The following PCLO variants were observed in gnomAD, a reference collection of about 807,000 sequenced individuals.
PCLO encodes the protein piccolo presynaptic cytomatrix protein.
A neutral mutation model predicts 427.5 loss-of-function variants in PCLO; 82 were observed. The observed-to-expected ratio is 0.19, with a 90% CI of 0.16 to 0.23. The LOEUF (loss-of-function observed/expected upper bound fraction) is 0.23, where lower values mean the gene tolerates loss of function less well. Among genes scored for constraint, PCLO ranks in the 10% least tolerant of loss-of-function variants. The pLI is 1.00. For synonymous variants in PCLO, 2,357 were observed against 2,155.4 expected (o/e 1.09, Z -2.59); for missense variants, 6,239 against 6,115.9 (o/e 1.02, Z -0.67).
At chr7:83,037,113 T>C (rs1788814097) in intron 3 of PCLO, among the ~76,000 whole-genome samples, 1 of 152,144 alleles carries the variant, frequency 6.6e-6, no homozygotes, top group South Asian at 2.1e-4. Flanking sequence ...ATACTGCTTA[T>C]TATTTATTGA....
chr7:83,058,146 G>T (rs1789448948), intron 3 of PCLO, among the ~76,000 whole-genome samples: 1 of 152,152 alleles, frequency 6.6e-6, no homozygotes, highest in Non-Finnish European at 1.5e-5. Context: ...ATAGGTAGAA[G>T]TTGTAAAAAT....
At chr7:83,024,791 C>T (rs577166828) in intron 3 of PCLO, among the ~76,000 whole-genome samples, 26 of 152,234 alleles carry the variant, frequency 1.7e-4, no homozygotes, top group African/African-American at 5.1e-4. Flanking sequence ...CAAGTGGGTC[C>T]CTGACTCCTG....
At chr7:82,843,433 T>C (rs2115793439) in intron 13 of PCLO, among the ~76,000 whole-genome samples, 1 of 152,160 alleles carries the variant, frequency 6.6e-6, no homozygotes, top group East Asian at 1.9e-4. Flanking sequence ...GGTCAAAGGG[T>C]ACAAACTTCT....
chr7:83,057,046 C>A (rs7458982), intron 3 of PCLO, among the ~76,000 whole-genome samples: 117,502 of 151,302 alleles, frequency 0.78, 46,492 homozygotes, highest in African/African-American at 0.92. Flanking sequence ...TGCTATTAAG[C>A]CATACAACTA....
rs765182217 is a variant in PCLO at position 82,915,690 on chromosome 7, T to A, written c.12296A>T (p.Gln4099Leu). ...ATAACTATGCAATCTAGAGGAAGAC[T>A]GTAAAGGTGCTAGGAAATCTGTCAC... ...QEVTDFLAPL[Q>L]SSSRLHSYVK... is the part of the protein sequence containing the mutation. Residue 4099 changes from glutamine (Q) to leucine (L), a missense_variant, in exon 7 of 25, where the codon CAG (glutamine) becomes CTG (leucine). This residue lies in a region of PCLO where 680 missense variants were observed against 677.3 expected (regional missense o/e 1.00). Transcript: ENST00000333891. The A allele has an allele frequency of 1.9e-6, 3 of 1,612,946 alleles. No homozygotes were observed. The highest frequency in any genetic ancestry group is 2.5e-6 in the Non-Finnish European group (3 of 1,179,440).
intron 3 of PCLO, among the ~76,000 whole-genome samples, chr7:83,055,409 G>C (rs1301533677): frequency 6.6e-6 from 1 of 152,074 alleles, no homozygotes; most frequent in African/African-American, 2.4e-5. Context: ...ATTATTTTGG[G>C]AACTAAGGGA....
intron 3 of PCLO, among the ~76,000 whole-genome samples, chr7:83,120,823 A>C (rs1330844400): frequency 1.3e-5 from 2 of 152,214 alleles, no homozygotes. Flanking sequence ...GACCTGTCTT[A>C]TAAGAAATCC....
At chr7:83,107,852 G>A (rs1176315788) in intron 3 of PCLO, among the ~76,000 whole-genome samples, 1 of 151,314 alleles carries the variant, frequency 6.6e-6, no homozygotes, top group African/African-American at 2.4e-5. Context: ...AGCTGGGCAT[G>A]GTGGTGCACA....
intron 22 of PCLO, among the ~76,000 whole-genome samples, chr7:82,777,619 G>A (rs539696537): frequency 6.6e-6 from 1 of 152,134 alleles, no homozygotes; most frequent in East Asian, 1.9e-4. Context: ...CTGATCTTTG[G>A]CAATGCTGAC....
chr7:83,089,788 G>A (rs1010790200), intron 3 of PCLO, among the ~76,000 whole-genome samples: 11 of 152,072 alleles, frequency 7.2e-5, no homozygotes, highest in Admixed American at 1.3e-4. Flanking sequence ...GGGTTCCAGG[G>A]TACTACATCA....
chr7:83,091,565 A>C (rs1790378581), intron 3 of PCLO, among the ~76,000 whole-genome samples: 1 of 152,188 alleles, frequency 6.6e-6, no homozygotes, highest in African/African-American at 2.4e-5. Flanking sequence ...ACTGCTAATC[A>C]ACTGCCAATT....
chr7:82,962,762 G>T (rs2115631441), intron 4 of PCLO, among the ~76,000 whole-genome samples: 1 of 152,086 alleles, frequency 6.6e-6, no homozygotes, highest in Admixed American at 6.6e-5. Context: ...AGGTTAGGGA[G>T]ATGGCAGTAC....
At chr7:83,141,968 A>G (rs563264564) in intron 2 of PCLO, among the ~76,000 whole-genome samples, 2 of 152,310 alleles carry the variant, frequency 1.3e-5, no homozygotes, top group African/African-American at 2.4e-5. Flanking sequence ...TTTCAAAACT[A>G]AAGAATATTC....
At position 82,974,844 on chromosome 7, in the gene PCLO, T is replaced by A. The variant is rs977963108; in HGVS notation, c.3301-8357A>T. Among the ~76,000 whole-genome samples, 13 of 152,096 alleles carry A rather than the reference T, an allele frequency of 8.5e-5. 1 individual carries two copies. The highest frequency in any genetic ancestry group is 6.6e-5 in the Admixed American group (1 of 15,260). Reference sequence around the variant, plus strand: ...CCCAGGCTGGAGTGCAGTGGTGCAATCTGGGCTCATTGCAAGCTCCATCTC... The same window carrying A: ...CCCAGGCTGGAGTGCAGTGGTGCAAACTGGGCTCATTGCAAGCTCCATCTC... On this transcript the variant is annotated intron_variant, in intron 3 of 24. Coordinates refer to ENST00000333891, the MANE Select transcript of PCLO (RefSeq NM_033026.6).
At position 82,956,012 on chromosome 7, in the gene PCLO, T is replaced by C. The variant is rs1562883097; in HGVS notation, c.4941A>G (p.Glu1647=). 1 of 1,613,290 alleles carries C rather than the reference T, an allele frequency of 6.2e-7. No homozygotes were observed. The highest frequency in any genetic ancestry group is 1.1e-5 in the South Asian group (1 of 91,050). Residue 1647 remains glutamate, a synonymous_variant, in exon 5 of 25, where the codon GAA becomes GAG. Transcript: ENST00000333891. ...FDESPELKYR[E]TKSQESEELV... The stretch of plus-strand genomic sequence containing the variant: ...GTTCTTCACTTTCCTGACTTTTAGT[T>C]TCTCTGTATTTAAGTTCAGGACTTT...
chr7:82,980,555 C>T (rs1004043082), intron 3 of PCLO, among the ~76,000 whole-genome samples: 1 of 152,110 alleles, frequency 6.6e-6, no homozygotes, highest in Non-Finnish European at 1.5e-5. Flanking sequence ...TGATTGTGCT[C>T]AGTGGGCTTG....
At chr7:83,114,615 C>T (rs2190045) in intron 3 of PCLO, among the ~76,000 whole-genome samples, 89,163 of 151,734 alleles carry the variant, frequency 0.59, 27,235 homozygotes, top group African/African-American at 0.76. Flanking sequence ...TAGCACCTTA[C>T]GTGACAACAT....
chr7:83,102,665 T>G (rs1790764674), intron 3 of PCLO, among the ~76,000 whole-genome samples: 1 of 151,926 alleles, frequency 6.6e-6, no homozygotes, highest in Admixed American at 6.6e-5. Context: ...AATTATCTCC[T>G]AAAGTAATTT....
At chr7:82,942,668 A>G (rs1461559766) in intron 6 of PCLO, among the ~76,000 whole-genome samples, 1 of 152,132 alleles carries the variant, frequency 6.6e-6, no homozygotes, top group Non-Finnish European at 1.5e-5. Flanking sequence ...ATTACTAATG[A>G]CCATAAATTA....
Sources: allele counts gnomAD v4.1 joint callset (sites outside exome capture counted in the v4.1 genomes callset), GRCh38; gene constraint gnomAD v4.1.1; regional missense constraint gnomAD v4.1.1; transcripts MANE v1.5; gene names NCBI Gene and HGNC (gene_info 2026-07-23, HGNC 2026-07-21).